Variants in KATNIP observed in about 807,000 individuals in gnomAD.
The protein encoded by KATNIP is katanin-interacting protein.
Under a neutral mutation model 174.0 loss-of-function variants are expected in KATNIP, and 126 were observed. The ratio of observed to expected loss-of-function variants is 0.72; its 90% CI spans 0.63 to 0.84. The LOEUF (loss-of-function observed/expected upper bound fraction) is 0.84. Ranked by LOEUF, KATNIP falls within the 40% of genes least tolerant of loss-of-function variation. The pLI, the probability that KATNIP is intolerant of heterozygous loss-of-function variation, is 0.00. For missense variants in KATNIP, 1,958 were observed against 2,109.7 expected (o/e 0.93, Z 1.41); for synonymous variants, 810 against 835.7 (o/e 0.97, Z 0.53).
intron 2 of KATNIP, among the ~76,000 whole-genome samples, chr16:27,611,493 C>T (rs1387838133): frequency 6.6e-6 from 1 of 152,208 alleles, no homozygotes; most frequent in Middle Eastern, 3.2e-3. Context: ...CAATTATCGT[C>T]ATAGAGCTGG....
chr16:27,678,381 T>G (rs1001231799), intron 7 of KATNIP, among the ~76,000 whole-genome samples: 1 of 152,126 alleles, frequency 6.6e-6, no homozygotes, highest in Non-Finnish European at 1.5e-5. Flanking sequence ...CGTCTTCTTT[T>G]CCCTCTCCGT....
At position 27,774,385 on chromosome 16, in the gene KATNIP, T is replaced by A. The variant is rs572530628; in HGVS notation, c.4310-560T>A. On this transcript the variant is annotated intron_variant, in intron 23 of 27. Coordinates refer to ENST00000261588, the MANE Select transcript of KATNIP (RefSeq NM_015202.5). ...TGGGAGCTGGAGGTTTTTATACCCA[T>A]TTTACAGATGGGAAAACAGGCCCAG... is the stretch of plus-strand genomic sequence containing the variant. Among the ~76,000 whole-genome samples, 9 of 152,274 alleles carry A rather than the reference T, an allele frequency of 5.9e-5. No homozygotes were observed. The East Asian group carries it at 1.7e-3, about 29-fold the overall frequency.
intron 5 of KATNIP, chr16:27,632,667 C>G (rs1439127499): frequency 2.2e-6 from 1 of 455,534 alleles, no homozygotes; most frequent in Non-Finnish European, 4.4e-6. Context: ...AAGGGAGGGG[C>G]AGCAGGCAGG....
intron 1 of KATNIP, among the ~76,000 whole-genome samples, chr16:27,566,576 T>G: frequency 6.6e-6 from 1 of 151,120 alleles, no homozygotes; most frequent in African/African-American, 2.4e-5. Context: ...GGGGTGGGGG[T>G]AGTAATGACA....
chr16:27,775,257 C>T (rs2082455798), intron 24 of KATNIP, among the ~76,000 whole-genome samples, 173 bp downstream of exon 24: 1 of 152,220 alleles, frequency 6.6e-6, no homozygotes, highest in Admixed American at 6.5e-5. Context: ...ATGGGGTCAG[C>T]TCTTCCAGGC....
At chr16:27,586,473 T>TA (rs1156229985) in intron 2 of KATNIP, among the ~76,000 whole-genome samples, 1 of 149,196 alleles carries the variant, frequency 6.7e-6, no homozygotes, top group East Asian at 2.0e-4. Flanking sequence ...TAATTACCAA[T>TA]AAAAAAAAGA....
rs1158559170 is a variant in KATNIP at position 27,771,585 on chromosome 16, C to T, written c.4134-3C>T. The T allele has an allele frequency of 6.2e-7, 1 of 1,612,296 alleles. No homozygotes were observed. Among genetic ancestry groups the T allele is most frequent in the Admixed American group, 1.7e-5 (1 of 59,844 alleles). On this transcript the variant is annotated splice_polypyrimidine_tract_variant and splice_region_variant and intron_variant, in intron 21 of 27. Transcript: ENST00000261588. ...TTCATGGTGCTGTTTTGTGCTTTTT[C>T]AGGCTGGACATGAGAAGCCTGGAGT...
chr16:27,767,457 C>T (rs555054490), intron 20 of KATNIP, among the ~76,000 whole-genome samples: 8 of 152,260 alleles, frequency 5.3e-5, no homozygotes, highest in African/African-American at 7.2e-5. Flanking sequence ...TAGAGGCTCA[C>T]GCCTGTAATC....
intron 6 of KATNIP, among the ~76,000 whole-genome samples, chr16:27,667,343 T>C (rs1468616838): frequency 2.6e-5 from 4 of 151,760 alleles, no homozygotes; most frequent in Admixed American, 1.3e-4. Flanking sequence ...GTTGAATACA[T>C]GGATGAATGA....
chr16:27,623,763 A>T (rs1474936915), intron 3 of KATNIP, among the ~76,000 whole-genome samples: 6 of 152,140 alleles, frequency 3.9e-5, no homozygotes, highest in Admixed American at 2.0e-4. Flanking sequence ...ATCTGGAGGA[A>T]CCATGTGGTT....
intron 5 of KATNIP, chr16:27,632,497 C>T: frequency 2.4e-6 from 1 of 414,366 alleles, no homozygotes; most frequent in South Asian, 1.6e-5. Context: ...GCGGCATTAG[C>T]AGGATCTGAG....
intron 15 of KATNIP, among the ~76,000 whole-genome samples, chr16:27,741,362 A>G (rs998404271): frequency 2.0e-5 from 3 of 150,872 alleles, no homozygotes; most frequent in Non-Finnish European, 3.0e-5. Context: ...CGCTTGAGCC[A>G]AGGAGGTCGA....
chr16:27,640,780 A>C (rs2076769862), intron 5 of KATNIP, among the ~76,000 whole-genome samples: 1 of 151,386 alleles, frequency 6.6e-6, no homozygotes, highest in Admixed American at 6.6e-5. Context: ...CCGACTGCAA[A>C]CCTGGGTCCT....
chr16:27,700,419 A>G (rs557126033), intron 10 of KATNIP, among the ~76,000 whole-genome samples: 1 of 152,336 alleles, frequency 6.6e-6, no homozygotes, highest in African/African-American at 2.4e-5. Context: ...ATGCAGAGGC[A>G]GCTGAGACAG....
At chr16:27,658,906 A>G (rs556717724) in intron 6 of KATNIP, among the ~76,000 whole-genome samples, 15 of 151,218 alleles carry the variant, frequency 9.9e-5, no homozygotes, top group Non-Finnish European at 1.9e-4. Context: ...GGGATTACAG[A>G]TGTGTGCTAG....
At chr16:27,588,679 C>A (rs1465629603) in intron 2 of KATNIP, among the ~76,000 whole-genome samples, 1 of 151,882 alleles carries the variant, frequency 6.6e-6, no homozygotes, top group Non-Finnish European at 1.5e-5. Context: ...TAGTGTAAGA[C>A]CTTCAATTCT....
chr16:27,619,004 A>G (rs1249389862), intron 3 of KATNIP, among the ~76,000 whole-genome samples: 3 of 152,262 alleles, frequency 2.0e-5, no homozygotes, highest in Non-Finnish European at 2.9e-5. Flanking sequence ...CAGTAGGTCC[A>G]GTGTGTAGCG....
intron 1 of KATNIP, among the ~76,000 whole-genome samples, chr16:27,573,443 A>T (rs2090376850): frequency 6.6e-6 from 1 of 152,258 alleles, no homozygotes; most frequent in African/African-American, 2.4e-5. Flanking sequence ...GGTGATTACC[A>T]CTAATTCACA....
In KATNIP at chr16:27,699,611, G is replaced by A. The variant is rs748684647; in HGVS notation, c.1179+12G>A. The A allele has an allele frequency of 1.1e-5, 17 of 1,613,896 alleles. No individual in the cohort carries two copies. Among genetic ancestry groups the A allele is most frequent in the Non-Finnish European group, 1.2e-5 (14 of 1,179,970 alleles). On this transcript the variant is annotated intron_variant, in intron 10 of 27. Transcript: ENST00000261588. ...AAGAGACCCTTGAGGTCAGTGCTAG[G>A]CAGAGATGAATGACAAAGCCCCACG...
Sources: gnomAD v4.1 joint callset for allele counts (sites outside exome capture counted in the v4.1 genomes callset) on GRCh38, gnomAD v4.1.1 for gene constraint, MANE v1.5 for transcripts, NCBI Gene and HGNC (gene_info 2026-07-23, HGNC 2026-07-21) for gene names.